The following ZNF527 variants were observed in gnomAD, a reference collection of about 807,000 sequenced individuals.
ZNF527 encodes zinc finger protein 527.
In ZNF527, 5 loss-of-function variants were observed where a neutral mutation model predicts 13.5. The observed-to-expected ratio is 0.37, with a 90% confidence interval of 0.19 to 0.78. ZNF527 has a LOEUF of 0.78. Ranked by LOEUF, ZNF527 falls within the 30% of genes least tolerant of loss-of-function variation. The pLI, the probability that ZNF527 is intolerant of heterozygous loss-of-function variation, is 0.48. For missense variants in ZNF527, 628 were observed against 726.4 expected (o/e 0.86, Z 1.56); for synonymous variants, 209 against 243.1 (o/e 0.86, Z 1.30).
chr19:37,389,748 T>C lies in ZNF527; in HGVS notation c.1699T>C (p.Leu567=), dbSNP rs200623828. 2.4e-4 allele frequency: 393 copies of C among 1,613,868 alleles called. No individual in the cohort carries two copies. The highest frequency in any genetic ancestry group is 1.5e-3 in the Admixed American group (89 of 60,020). ...ATGTGGGAAGGCTTTTCATCAGATC[T>C]TGTCCCTAAGACTACACCAGAGAAT... is the stretch of plus-strand genomic sequence containing the variant. ...SECGKAFHQI[L]SLRLHQRIHA... is the part of the protein sequence containing the mutation. Residue 567 remains leucine, a synonymous_variant, in exon 5 of 5, where the codon TTG becomes CTG. Coordinates refer to ENST00000436120, the MANE Select transcript of ZNF527 (RefSeq NM_032453.2).
At chr19:37,381,674 G>A (rs924710431) in intron 4 of ZNF527, among the ~76,000 whole-genome samples, 1 of 152,100 alleles carries the variant, frequency 6.6e-6, no homozygotes, top group Non-Finnish European at 1.5e-5. Context: ...AGATTATTCA[G>A]TTTCTTCTGT....
At chr19:37,388,196 G>A (rs1040555216) in intron 4 of ZNF527, 110 bp from the exon 5 acceptor site, 1 of 1,290,648 alleles carries the variant, frequency 7.7e-7, no homozygotes, top group African/African-American at 1.5e-5. Flanking sequence ...TAGAACCACA[G>A]ACTTTCTACC....
chr19:37,379,378 A>AAGTAG, intron 3 of ZNF527, 132 bp downstream of exon 3: 1 of 785,058 alleles, frequency 1.3e-6, no homozygotes, highest in Non-Finnish European at 1.9e-6. Context: ...TGTTCCCAGG[A>AAGTAG]AATGATTTGA....
chr19:37,379,203 C>G lies in ZNF527; in HGVS notation c.117C>G (p.Tyr39Ter). The G allele has an allele frequency of 6.2e-7, 1 of 1,612,970 alleles. No individual in the cohort carries two copies. The highest frequency in any genetic ancestry group is 8.5e-7 in the Non-Finnish European group (1 of 1,179,732). ...TGAAGCCATCTCAGAAGGATTTATACAGAGATGTCATGTTGGAGAACTACA... is the reference window on the plus strand; with the variant it reads ...TGAAGCCATCTCAGAAGGATTTATAGAGAGATGTCATGTTGGAGAACTACA... The part of the protein sequence containing the change: ...EWLKPSQKDL[Y>*]RDVMLENYRN... Residue 39 changes from tyrosine to a stop codon, truncating the protein, a stop_gained, in exon 3 of 5, where the codon TAC becomes TAG. Coordinates refer to ENST00000436120, the MANE Select transcript of ZNF527 (RefSeq NM_032453.2). LOFTEE classifies it high-confidence loss of function.
chr19:37,388,552 C>G lies in ZNF527; in HGVS notation c.503C>G (p.Ser168Cys), dbSNP rs761888944. Residue 168 changes from serine (S) to cysteine (C), a missense_variant, in exon 5 of 5, where the codon TCT (serine) becomes TGT (cysteine). Transcript: ENST00000436120. Reference sequence around the variant, plus strand: ...AAAAGAGACAATGAATTTAGTAATTCTGGGAGAAGCATACCCCTGAAATCA... The same window carrying G: ...AAAAGAGACAATGAATTTAGTAATTGTGGGAGAAGCATACCCCTGAAATCA... Reference protein sequence around the residue: ...TGKRDNEFSNSGRSIPLKSVF... With the variant: ...TGKRDNEFSNCGRSIPLKSVF... 3.1e-6 allele frequency: 5 copies of G among 1,614,088 alleles called. No individual in the cohort carries two copies. Among genetic ancestry groups the G allele is most frequent in the Non-Finnish European group, 4.2e-6 (5 of 1,180,008 alleles).
At chr19:37,375,311 T>TTTCTTTC (rs760003304) in intron 2 of ZNF527, among the ~76,000 whole-genome samples, 2,360 of 79,458 alleles carry the variant, frequency 0.03, 44 homozygotes, top group South Asian at 0.049. Context: ...TCTTTCTTTC[T>TTTCTTTC]TTTCTTTCTT....
Position 37,389,976 on chromosome 19 carries a change from C to G in ZNF527, c.*97C>G. ...GGTTAGTAATTCTTTGAATGTAGTT[C>G]ATATTTCAGTTCATGAGTATCCGTT... On this transcript the variant is annotated 3_prime_UTR_variant, in exon 5 of 5. Transcript: ENST00000436120. The G allele has an allele frequency of 5.6e-6, 8 of 1,419,740 alleles. No individual in the cohort carries two copies. Among genetic ancestry groups the G allele is most frequent in the Non-Finnish European group, 7.5e-6 (8 of 1,065,918 alleles). 87.9% of individuals were successfully genotyped at this position (1,419,740 alleles called of 1,614,324 possible). A position where few individuals can be genotyped will look rare whatever the true frequency, so the allele number is the denominator to read the frequency against.
In ZNF527 at chr19:37,390,405, A is replaced by G. The variant is rs2040743088; in HGVS notation, c.*526A>G. On this transcript the variant is annotated 3_prime_UTR_variant, in exon 5 of 5. Coordinates refer to ENST00000436120, the MANE Select transcript of ZNF527 (RefSeq NM_032453.2). The stretch of plus-strand genomic sequence containing the variant: ...GCATATGATTCAGATGAAACTGTTA[A>G]TCAGGGACAGCAGTGGACTGGTCAC... 1 of 154,218 alleles carries G rather than the reference A, an allele frequency of 6.5e-6. No individual in the cohort carries two copies. Among genetic ancestry groups the G allele is most frequent in the Admixed American group, 6.4e-5 (1 of 15,676 alleles). The allele number at this position is 154,218 out of a possible 1,614,324, so 9.6% of individuals were successfully genotyped here.
chr19:37,379,483 A>G (rs935613546), intron 3 of ZNF527: 24 of 237,970 alleles, frequency 1.0e-4, no homozygotes, highest in Non-Finnish European at 1.5e-4. Context: ...TTTTTTTGAG[A>G]CAGAGTCTTG....
intron 2 of ZNF527, among the ~76,000 whole-genome samples, chr19:37,377,263 A>T (rs532248313): frequency 2.6e-5 from 4 of 152,202 alleles, no homozygotes; most frequent in African/African-American, 4.8e-5. Flanking sequence ...GGGCAAGTGG[A>T]CGGACTGGTC....
In ZNF527 at chr19:37,374,241, C is replaced by T. The variant is rs1466464137; in HGVS notation, c.33+10C>T. The T allele has an allele frequency of 6.2e-7, 1 of 1,613,908 alleles. No individual in the cohort carries two copies. The highest frequency in any genetic ancestry group is 8.5e-7 in the Non-Finnish European group (1 of 1,179,872). On this transcript the variant is annotated intron_variant, in intron 2 of 4. Coordinates refer to ENST00000436120, the MANE Select transcript of ZNF527 (RefSeq NM_032453.2). ...TAAAGCCATGTCCCAGGTAAGCATG[C>T]TCTTTCACTTTGTTTTCAGACATTT...
chr19:37,375,966 T>G (rs1383310413), intron 2 of ZNF527, among the ~76,000 whole-genome samples: 1 of 152,188 alleles, frequency 6.6e-6, no homozygotes, highest in Non-Finnish European at 1.5e-5. Context: ...TTTGGTAACA[T>G]GGAAATATTC....
Position 37,388,535 on chromosome 19 carries a change from CA to C in ZNF527, c.488del (p.Asn163MetfsTer12). ...AGGAAATCTCTACTGGGAAAAGAGACAATGAATTTAGTAATTCTGGGAGAAG... is the reference window on the plus strand; with the variant it reads ...AGGAAATCTCTACTGGGAAAAGAGACATGAATTTAGTAATTCTGGGAGAAG... Reference protein sequence around the residue: ...VKEISTGKRDNEFSNSGRSIP... With the variant: ...VKEISTGKRDXEFSNSGRSIP... On this transcript the variant is annotated frameshift_variant, in exon 5 of 5. Transcript: ENST00000436120. LOFTEE classifies it low-confidence loss of function (END_TRUNC). The C allele has an allele frequency of 6.2e-7, 1 of 1,614,110 alleles. No individual in the cohort carries two copies. The highest frequency in any genetic ancestry group is 8.5e-7 in the Non-Finnish European group (1 of 1,180,004).
Position 37,375,242 on chromosome 19 carries a change from T to TTTTCTTTCTTTCTTTC in ZNF527, c.33+1067_33+1082dup, listed in dbSNP as rs772278647. Among the ~76,000 whole-genome samples the TTTTCTTTCTTTCTTTC allele has an allele frequency of 1.0e-3, 98 of 97,196 alleles. 1 individual carries two copies. Among genetic ancestry groups the TTTTCTTTCTTTCTTTC allele is most frequent in the East Asian group, 1.6e-3 (5 of 3,150 alleles). 63.8% of individuals were successfully genotyped at this position (97,196 alleles called of 152,430 possible). On this transcript the variant is annotated intron_variant, in intron 2 of 4. Coordinates refer to ENST00000436120, the MANE Select transcript of ZNF527 (RefSeq NM_032453.2). ...TGTGAATTTGGGAGTCCTTAGTGTATTTTCTTTCTTTCTTTCTTTCTTTCT... is the reference window on the plus strand; with the variant it reads ...TGTGAATTTGGGAGTCCTTAGTGTATTTTCTTTCTTTCTTTCTTTCTTTCTTTCTTTCTTTCTTTCT...
chr19:37,378,330 A>G (rs1001876823), intron 2 of ZNF527, among the ~76,000 whole-genome samples: 4 of 152,022 alleles, frequency 2.6e-5, no homozygotes, highest in Non-Finnish European at 4.4e-5. Flanking sequence ...GCCTGGCCTG[A>G]TATTTCATTA....
intron 4 of ZNF527, among the ~76,000 whole-genome samples, chr19:37,382,108 T>C (rs1010628672): frequency 6.6e-6 from 1 of 152,118 alleles, no homozygotes. Context: ...CACAAGGTAT[T>C]CCAGGTTCTC....
intron 2 of ZNF527, among the ~76,000 whole-genome samples, chr19:37,378,204 T>C (rs556343612): frequency 6.6e-6 from 1 of 152,144 alleles, no homozygotes; most frequent in African/African-American, 2.4e-5. Flanking sequence ...ATTTTTGTAT[T>C]TTTAGTAGAG....
rs2040737396 is a variant in ZNF527 at position 37,389,809 on chromosome 19, G to A, written c.1760G>A (p.Cys587Tyr). Reference protein sequence around the residue: ...AGEKPYKCNECGNNFSCVSAL... With the variant: ...AGEKPYKCNEYGNNFSCVSAL... The stretch of plus-strand genomic sequence containing the variant: ...GAAAAACCTTATAAATGTAACGAAT[G>A]TGGGAATAATTTTAGCTGTGTCTCA... The change falls in exon 5 of 5, where the codon TGT (cysteine) becomes TAT (tyrosine). Residue 587 changes from cysteine to tyrosine, a missense_variant. Around this residue, in one of 3 missense-constraint regions of ZNF527, gnomAD observed 592 missense variants for 678.0 expected, o/e 0.87. Coordinates refer to ENST00000436120, the MANE Select transcript of ZNF527 (RefSeq NM_032453.2). 1 of 1,613,266 alleles carries A rather than the reference G, an allele frequency of 6.2e-7. No individual in the cohort carries two copies. Among genetic ancestry groups the A allele is most frequent in the Non-Finnish European group, 8.5e-7 (1 of 1,179,984 alleles).
In ZNF527 at chr19:37,374,145, T is replaced by A; in HGVS notation, c.-41-13T>A. The A allele has an allele frequency of 1.3e-6, 2 of 1,569,766 alleles. No individual in the cohort carries two copies. Among genetic ancestry groups the A allele is most frequent in the South Asian group, 1.1e-5 (1 of 90,136 alleles). ...GGCACATCATCATTTCTTCATTAAC[T>A]CTCCCTTCTCAGGACTTTGTTCTTC... On this transcript the variant is annotated splice_polypyrimidine_tract_variant and intron_variant, in intron 1 of 4. Coordinates refer to ENST00000436120, the MANE Select transcript of ZNF527 (RefSeq NM_032453.2).
Sources: allele counts gnomAD v4.1 joint callset (sites outside exome capture counted in the v4.1 genomes callset), GRCh38; gene constraint gnomAD v4.1.1; regional missense constraint gnomAD v4.1.1; transcripts MANE v1.5; gene names NCBI Gene and HGNC (gene_info 2026-07-23, HGNC 2026-07-21).